The following GARNL3 variants were observed in gnomAD, a reference collection of about 807,000 sequenced individuals.
The protein encoded by GARNL3 is GTPase-activating Rap/Ran-GAP domain-like protein 3.
In GARNL3, 63 loss-of-function variants were observed where a neutral mutation model predicts 125.0. That is an observed-to-expected ratio of 0.50 (90% CI 0.41 to 0.62). The LOEUF (loss-of-function observed/expected upper bound fraction) is 0.62, where lower values mean the gene tolerates loss of function less well. GARNL3 is among the 20% of genes least tolerant of loss of function. The pLI, the probability that GARNL3 is intolerant of heterozygous loss-of-function variation, is 0.00. For synonymous variants in GARNL3, 439 were observed against 457.5 expected (o/e 0.96, Z 0.52); for missense variants, 994 against 1,244.0 (o/e 0.80, Z 3.02).
At position 127,388,928 on chromosome 9, in the gene GARNL3, A is replaced by G. The variant is rs1005680072; in HGVS notation, c.2552A>G (p.Tyr851Cys). 24 of 1,609,800 alleles carry G rather than the reference A, an allele frequency of 1.5e-5. No individual in the cohort carries two copies. Among genetic ancestry groups the G allele is most frequent in the Non-Finnish European group, 2.0e-5 (24 of 1,175,962 alleles). ...GEGEIQSKNLYKIPLRNLVGR... is the reference protein window; with the variant it reads ...GEGEIQSKNLCKIPLRNLVGR... ...GGTGAAATTCAATCAAAAAATCTGT[A>G]CAAGATTCCACTTAGAAACCTCGTG... The change falls in exon 26 of 28, where the codon TAC becomes TGC. Residue 851 changes from tyrosine to cysteine, a missense_variant. Tyr to Cys is a radical substitution (Grantham distance 194, BLOSUM62 -2). Around this residue, in one of 5 missense-constraint regions of GARNL3, gnomAD observed 728 missense variants for 865.7 expected, o/e 0.84. Transcript: ENST00000373387.
Position 127,349,695 on chromosome 9 carries a change from G to A in GARNL3, c.1543+660G>A, listed in dbSNP as rs563271884. ...GACAGTGTGGTCCCTTCCATCAGGAGTCCCCTTTAGATTATTCCAGACCCT... is the reference window on the plus strand; with the variant it reads ...GACAGTGTGGTCCCTTCCATCAGGAATCCCCTTTAGATTATTCCAGACCCT... On this transcript the variant is annotated intron_variant, in intron 17 of 27. Coordinates refer to ENST00000373387, the MANE Select transcript of GARNL3 (RefSeq NM_032293.5). Among the ~76,000 whole-genome samples, 10 of 152,300 alleles carry A rather than the reference G, an allele frequency of 6.6e-5. 1 individual carries two copies. In the South Asian group the frequency reaches 1.9e-3, roughly 28 times the overall value.
intron 16 of GARNL3, among the ~76,000 whole-genome samples, chr9:127,346,237 C>A (rs1212524182): frequency 6.6e-6 from 1 of 152,190 alleles, no homozygotes. Flanking sequence ...TTAATTATAT[C>A]TCCATTCAGA....
chr9:127,310,527 A>G (rs1232353120), intron 2 of GARNL3, among the ~76,000 whole-genome samples: 2 of 152,194 alleles, frequency 1.3e-5, no homozygotes, highest in Non-Finnish European at 2.9e-5. Flanking sequence ...CACACCTGTA[A>G]TCCCAGCACT....
intron 27 of GARNL3, among the ~76,000 whole-genome samples, chr9:127,391,533 A>AAAAAAAAAAAAAAAAAAAAATAAAT: frequency 1.3e-5 from 1 of 75,848 alleles, no homozygotes; most frequent in East Asian, 3.9e-4. Context: ...ACAAAAAAAA[A>AAAAAAAAAAAAAAAAAAAAATAAAT]ATATATATAT....
chr9:127,236,484 G>C (rs893728711), intron 1 of GARNL3, among the ~76,000 whole-genome samples: 6 of 152,274 alleles, frequency 3.9e-5, no homozygotes, highest in Admixed American at 2.6e-4. Context: ...ATTGTCTCTA[G>C]ACCAGACAGT....
At chr9:127,349,086 C>A in intron 17 of GARNL3, 51 bp downstream of exon 17, 1 of 1,264,830 alleles carries the variant, frequency 7.9e-7, no homozygotes, top group Non-Finnish European at 1.2e-6. Flanking sequence ...ACTTGTAGTA[C>A]TTCTAAGATG....
At chr9:127,257,187 C>G (rs934278396) in intron 2 of GARNL3, among the ~76,000 whole-genome samples, 2 of 152,182 alleles carry the variant, frequency 1.3e-5, no homozygotes, top group African/African-American at 4.8e-5. Context: ...TGAAGGACAT[C>G]TAAGTGGTTT....
chr9:127,288,059 G>A (rs1190343614), intron 1 of GARNL3, among the ~76,000 whole-genome samples: 1 of 152,186 alleles, frequency 6.6e-6, no homozygotes, highest in African/African-American at 2.4e-5. Context: ...GAGATGCAGT[G>A]GTGAGAACAA....
chr9:127,291,156 T>C lies in GARNL3; in HGVS notation c.145-12T>C. 6.2e-7 allele frequency: 1 copy of C among 1,613,760 alleles called. No homozygotes were observed. Among genetic ancestry groups the C allele is most frequent in the Non-Finnish European group, 8.5e-7 (1 of 1,179,716 alleles). The stretch of plus-strand genomic sequence containing the variant: ...GTAAATGCTTCCTAATTGAATGCTT[T>C]TTCCCCCCTAGCTTATTTCCAGTGA... On this transcript the variant is annotated splice_polypyrimidine_tract_variant and intron_variant, in intron 1 of 27. Coordinates refer to ENST00000373387, the MANE Select transcript of GARNL3 (RefSeq NM_032293.5).
At chr9:127,236,833 T>G (rs2063121815) in intron 1 of GARNL3, among the ~76,000 whole-genome samples, 1 of 152,208 alleles carries the variant, frequency 6.6e-6, no homozygotes, top group African/African-American at 2.4e-5. Context: ...TTCCTATGTA[T>G]TCCAGTAAAA....
chr9:127,357,479 G>A, intron 21 of GARNL3, 102 bp downstream of exon 21: 1 of 1,128,664 alleles, frequency 8.9e-7, no homozygotes, highest in East Asian at 2.5e-5. Context: ...TTAAAATTAT[G>A]TACTATTCAT....
At chr9:127,360,993 T>C (rs773960690) in intron 21 of GARNL3, among the ~76,000 whole-genome samples, 41 of 152,198 alleles carry the variant, frequency 2.7e-4, no homozygotes, top group Non-Finnish European at 5.4e-4. Flanking sequence ...AGTGCTCCTC[T>C]AGGGGGAACT....
At chr9:127,314,231 G>A (rs1019070469) in intron 4 of GARNL3, among the ~76,000 whole-genome samples, 24 of 152,312 alleles carry the variant, frequency 1.6e-4, no homozygotes, top group African/African-American at 5.8e-4. Flanking sequence ...GGTCAGATGT[G>A]AGGAGGCAGG....
At chr9:127,380,148 G>A (rs574854108) in intron 22 of GARNL3, among the ~76,000 whole-genome samples, 7 of 151,888 alleles carry the variant, frequency 4.6e-5, no homozygotes, top group African/African-American at 1.2e-4. Context: ...AGCCAAAATC[G>A]CGCCACCGCA....
chr9:127,225,822 CTT>C (rs1160830073), intron 1 of GARNL3, among the ~76,000 whole-genome samples: 72 of 11,960 alleles, frequency 6.0e-3, no homozygotes, highest in South Asian at 0.025. Context: ...CCTCGCGCCC[CTT>C]GCGCCCCTCG....
At chr9:127,331,920 G>C (rs1322430848) in intron 7 of GARNL3, among the ~76,000 whole-genome samples, 1 of 151,938 alleles carries the variant, frequency 6.6e-6, no homozygotes, top group Non-Finnish European at 1.5e-5. Flanking sequence ...TTGGACGGTT[G>C]CTCATGGGTT....
chr9:127,385,130 G>C lies in GARNL3; in HGVS notation c.2373G>C (p.Gln791His). The change falls in exon 24 of 28, where the codon CAG (glutamine) becomes CAC (histidine). Residue 791 changes from glutamine (Q) to histidine (H), a missense_variant. Gln to His is a conservative substitution (Grantham distance 24). Transcript: ENST00000373387. This position sits in a 1 kb window ranked among gnomAD's most constrained non-coding sequence, Gnocchi z 4.1. ...ACACTGCAGTCGTGCCGCAGCTGCAGCTGGTGGCCTCCAGGGTGAGTAGGA... is the reference window on the plus strand; with the variant it reads ...ACACTGCAGTCGTGCCGCAGCTGCACCTGGTGGCCTCCAGGGTGAGTAGGA... Reference protein sequence around the residue: ...LVHTAVVPQLQLVASRSDIYF... With the variant: ...LVHTAVVPQLHLVASRSDIYF... 1 of 1,605,316 alleles carries C rather than the reference G, an allele frequency of 6.2e-7. No individual in the cohort carries two copies. The highest frequency in any genetic ancestry group is 8.5e-7 in the Non-Finnish European group (1 of 1,174,676).
intron 2 of GARNL3, among the ~76,000 whole-genome samples, chr9:127,250,370 G>A (rs1224494835): frequency 1.3e-5 from 2 of 152,196 alleles, no homozygotes; most frequent in African/African-American, 2.4e-5. Context: ...AAGCAACATG[G>A]TGGTGGGAGC....
chr9:127,264,842 C>A lies in GARNL3; in HGVS notation c.-36C>A. ...GCTCCCCTGCAGTGAGGAGCCGGGG[C>A]ACTGCAAGTCTGTTCCATAGCAGCC... is the stretch of plus-strand genomic sequence containing the variant. On this transcript the variant is annotated 5_prime_UTR_variant, in exon 1 of 28. Coordinates refer to ENST00000373387, the MANE Select transcript of GARNL3 (RefSeq NM_032293.5). 1 of 1,498,600 alleles carries A rather than the reference C, an allele frequency of 6.7e-7. No individual in the cohort carries two copies. Among genetic ancestry groups the A allele is most frequent in the South Asian group, 1.4e-5 (1 of 73,176 alleles). 92.8% of individuals were successfully genotyped at this position (1,498,600 alleles called of 1,614,324 possible).
Sources: gnomAD v4.1 joint callset for allele counts (sites outside exome capture counted in the v4.1 genomes callset) on GRCh38, gnomAD v4.1.1 for gene constraint, gnomAD v4.1.1 regional missense constraint, Gnocchi (gnomAD v3.1) non-coding constraint, MANE v1.5 for transcripts, NCBI Gene and HGNC (gene_info 2026-07-23, HGNC 2026-07-21) for gene names.